Variants in PARP15 observed in about 807,000 individuals in gnomAD.
The protein encoded by PARP15 is protein mono-ADP-ribosyltransferase PARP15.
A neutral mutation model predicts 62.1 loss-of-function variants in PARP15; 50 were observed. That is an observed-to-expected ratio of 0.81 (90% CI 0.64 to 1.02). PARP15 has a LOEUF of 1.02. Among genes scored for constraint, PARP15 ranks in the 50% least tolerant of loss-of-function variants. The pLI is 0.00. For synonymous variants in PARP15, 309 were observed against 293.1 expected (o/e 1.05, Z -0.55); for missense variants, 820 against 826.5 (o/e 0.99, Z 0.10).
Position 122,577,743 on chromosome 3 carries a change from G to C in PARP15, c.76G>C (p.Val26Leu), listed in dbSNP as rs1469180621. The part of the protein sequence containing the change: ...APTPRELMHG[V>L]AGVTSRAGRD... ...GACCCCCAGAGAACTTATGCACGGA[G>C]TTGCAGGTGTTACTTCCAGAGCCGG... The change falls in exon 1 of 12, where the codon GTT (valine) becomes CTT (leucine). Residue 26 changes from valine (V) to leucine (L), a missense_variant. Around this residue, in one of 3 missense-constraint regions of PARP15, gnomAD observed 731 missense variants for 727.7 expected, o/e 1.00. Transcript: ENST00000464300. 6.4e-7 allele frequency: 1 copy of C among 1,551,724 alleles called. No individual in the cohort carries two copies. Among genetic ancestry groups the C allele is most frequent in the Non-Finnish European group, 8.7e-7 (1 of 1,146,988 alleles).
In PARP15 at chr3:122,632,440, G is replaced by A. The variant is rs555172196; in HGVS notation, c.1572+221G>A. On this transcript the variant is annotated intron_variant, in intron 10 of 11. Transcript: ENST00000464300. ...TGTGTATGTTAGGATACTTTCAGTTGCAAGTCACAAACCAACCCACTCAAA... is the reference window on the plus strand; with the variant it reads ...TGTGTATGTTAGGATACTTTCAGTTACAAGTCACAAACCAACCCACTCAAA... Among the ~76,000 whole-genome samples the A allele has an allele frequency of 5.9e-5, 9 of 152,316 alleles. No homozygotes were observed. In the South Asian group the frequency reaches 1.9e-3, roughly 32 times the overall value.
In PARP15 at chr3:122,604,577, G is replaced by A. The variant is rs181732337; in HGVS notation, c.187-1359G>A. Among the ~76,000 whole-genome samples, 59 of 152,264 alleles carry A rather than the reference G, an allele frequency of 3.9e-4. No homozygotes were observed. In the East Asian group the frequency reaches 9.5e-3, roughly 24 times the overall value. ...TACTAAAAATACAGAAAGTAGGGCC[G>A]GGTGTGGTGGCTCGCACCTGTAATC... On this transcript the variant is annotated intron_variant, in intron 1 of 11. Transcript: ENST00000464300.
rs1457293996 is a variant in PARP15, at chr3:122,610,514, C to T, written c.327C>T (p.Ser109=). 1.1e-4 allele frequency: 170 copies of T among 1,551,510 alleles called. No homozygotes were observed. Among genetic ancestry groups the T allele is most frequent in the Non-Finnish European group, 1.5e-4 (169 of 1,146,922 alleles). The part of the protein sequence containing the change: ...LYIWADVIVN[S]VPMNLQLGGG... ...TTAAGGCCGATGTCATTGTCAACAG[C>T]GTTCCCATGAATCTTCAGCTTGGAG... Residue 109 remains serine (S), a synonymous_variant, in exon 3 of 12, where the codon AGC becomes AGT. Transcript: ENST00000464300.
At chr3:122,622,684 G>A (rs946077143) in intron 8 of PARP15, among the ~76,000 whole-genome samples, 1 of 152,148 alleles carries the variant, frequency 6.6e-6, no homozygotes, top group African/African-American at 2.4e-5. Context: ...ACAAACTCAG[G>A]TTTGTCCTGC....
At chr3:122,632,301 T>C in intron 10 of PARP15, 82 bp downstream of exon 10, 1 of 1,315,528 alleles carries the variant, frequency 7.6e-7, no homozygotes, top group Non-Finnish European at 1.1e-6. Flanking sequence ...ACACCCTTCC[T>C]TCCTTTGTAC....
chr3:122,627,465 C>G (rs555947226), intron 9 of PARP15, among the ~76,000 whole-genome samples: 13 of 152,292 alleles, frequency 8.5e-5, no homozygotes, highest in South Asian at 8.3e-4. Flanking sequence ...TGGCTAGGGT[C>G]AGCTGGGTGT....
intron 1 of PARP15, chr3:122,594,429 A>C (rs568153363): frequency 2.2e-6 from 1 of 457,418 alleles, no homozygotes; most frequent in East Asian, 1.5e-4. Context: ...AATTATTACT[A>C]TTATCATATT....
intron 1 of PARP15, among the ~76,000 whole-genome samples, chr3:122,595,500 C>T (rs1296475559): frequency 6.6e-6 from 1 of 152,146 alleles, no homozygotes; most frequent in Non-Finnish European, 1.5e-5. Context: ...GTTTTTCACT[C>T]GCTGCTAGGA....
chr3:122,591,959 C>T (rs1274316250), intron 1 of PARP15, among the ~76,000 whole-genome samples: 1 of 152,004 alleles, frequency 6.6e-6, no homozygotes, highest in African/African-American at 2.4e-5. Flanking sequence ...GGTGAGTTTG[C>T]AGAGAAATAA....
At chr3:122,598,870 T>G (rs2107501419) in intron 1 of PARP15, among the ~76,000 whole-genome samples, 1 of 152,242 alleles carries the variant, frequency 6.6e-6, no homozygotes, top group African/African-American at 2.4e-5. Flanking sequence ...CACGGTCCTT[T>G]ATTTTTATTT....
chr3:122,624,361 T>G lies in PARP15; in HGVS notation c.1232-2466T>G, dbSNP rs138110484. On this transcript the variant is annotated intron_variant, in intron 8 of 11. Transcript: ENST00000464300. ...TTCCTCACAGTAACCTTATATAGGGTGATCAATTCTTTCGAGTTTGACCAG... is the reference window on the plus strand; with the variant it reads ...TTCCTCACAGTAACCTTATATAGGGGGATCAATTCTTTCGAGTTTGACCAG... 2.7e-3 allele frequency among the ~76,000 whole-genome samples: 404 copies of G among 152,284 alleles called. 1 individual carries two copies. The highest frequency in any genetic ancestry group is 9.3e-3 in the African/African-American group (387 of 41,556).
intron 1 of PARP15, among the ~76,000 whole-genome samples, chr3:122,582,955 C>T (rs1324390426): frequency 1.3e-5 from 2 of 151,622 alleles, no homozygotes; most frequent in South Asian, 2.1e-4. Flanking sequence ...TTTTTTACCT[C>T]AGGCATTGTA....
chr3:122,619,732 CTT>C, intron 6 of PARP15, 47 bp from the exon 7 acceptor site: 1 of 1,456,764 alleles, frequency 6.9e-7, no homozygotes, highest in Non-Finnish European at 9.6e-7. Context: ...ACTATAACCA[CTT>C]ATTGAATTCT....
At chr3:122,589,628 C>T (rs978428242) in intron 1 of PARP15, among the ~76,000 whole-genome samples, 1 of 152,106 alleles carries the variant, frequency 6.6e-6, no homozygotes, top group Non-Finnish European at 1.5e-5. Flanking sequence ...TAATGGCTAA[C>T]GATGTTGTGC....
intron 10 of PARP15, among the ~76,000 whole-genome samples, chr3:122,633,387 G>C (rs1560002176): frequency 6.6e-6 from 1 of 152,194 alleles, no homozygotes; most frequent in Non-Finnish European, 1.5e-5. Flanking sequence ...ATACCTCGTG[G>C]TGTTAAAAGC....
chr3:122,621,089 C>G (rs73192177), intron 7 of PARP15, among the ~76,000 whole-genome samples: 4 of 152,180 alleles, frequency 2.6e-5, no homozygotes, highest in Admixed American at 2.6e-4. Flanking sequence ...TGCTTGGGTT[C>G]GAGTCCTAGG....
chr3:122,597,792 A>G (rs1934476571), intron 1 of PARP15, among the ~76,000 whole-genome samples: 1 of 152,184 alleles, frequency 6.6e-6, no homozygotes, highest in Non-Finnish European at 1.5e-5. Context: ...CACAGGGGAT[A>G]GATTCTTGGA....
intron 6 of PARP15, among the ~76,000 whole-genome samples, chr3:122,619,531 C>G (rs1228708209): frequency 6.6e-6 from 1 of 152,004 alleles, no homozygotes; most frequent in Non-Finnish European, 1.5e-5. Flanking sequence ...AAAAACAGTC[C>G]TGTATAAATA....
intron 1 of PARP15, among the ~76,000 whole-genome samples, chr3:122,605,270 A>T (rs1351420480): frequency 6.6e-6 from 1 of 152,122 alleles, no homozygotes; most frequent in African/African-American, 2.4e-5. Flanking sequence ...CAGCAAGCCA[A>T]ATGAGATTTG....
Sources: allele counts gnomAD v4.1 joint callset (sites outside exome capture counted in the v4.1 genomes callset), GRCh38; gene constraint gnomAD v4.1.1; regional missense constraint gnomAD v4.1.1; transcripts MANE v1.5; gene names NCBI Gene and HGNC (gene_info 2026-07-23, HGNC 2026-07-21).